Variants in TRPM3 observed in about 807,000 individuals in gnomAD.
TRPM3 encodes the protein long transient receptor potential channel 3.
TRPM3 carries 77 observed loss-of-function variants against 181.2 expected under a neutral mutation model. That is an observed-to-expected ratio of 0.42 (90% CI 0.35 to 0.51). TRPM3 has a LOEUF of 0.51. TRPM3 is among the 20% of genes least tolerant of loss of function. The probability of loss-of-function intolerance (pLI) is 0.01; values close to 1 mark genes in which losing one functional copy is unlikely to be tolerated. For missense variants in TRPM3, 1,759 were observed against 2,196.7 expected (o/e 0.80, Z 3.98); for synonymous variants, 745 against 796.4 (o/e 0.94, Z 1.09).
chr9:71,286,968 TA>T (rs1254028469), intron 1 of TRPM3, among the ~76,000 whole-genome samples: 6 of 124,818 alleles, frequency 4.8e-5, no homozygotes, highest in Non-Finnish European at 1.0e-4. Context: ...AAATTATATA[TA>T]ATATAATTAT....
At chr9:71,425,240 A>T (rs2093843375) in intron 1 of TRPM3, among the ~76,000 whole-genome samples, 1 of 152,132 alleles carries the variant, frequency 6.6e-6, no homozygotes, top group South Asian at 2.1e-4. Flanking sequence ...ATCACCCATA[A>T]ACTGATAATA....
intron 8 of TRPM3, among the ~76,000 whole-genome samples, chr9:70,759,394 A>G (rs548031225): frequency 9.8e-5 from 15 of 152,356 alleles, no homozygotes; most frequent in Admixed American, 2.0e-4. Context: ...GGGAGTGTAT[A>G]TTAGTTCAAT....
intron 1 of TRPM3, among the ~76,000 whole-genome samples, chr9:71,386,192 T>C (rs976854624): frequency 3.3e-5 from 5 of 151,934 alleles, no homozygotes; most frequent in African/African-American, 1.2e-4. Context: ...GGCTCCTGCC[T>C]GTAATCCCAG....
rs140800176 is a variant in TRPM3 at position 71,208,211 on chromosome 9, C to T, written c.183+238442G>A. On this transcript the variant is annotated intron_variant, in intron 1 of 24. Coordinates refer to the TRPM3 transcript ENST00000357533. ...CTGTATTTTTATCTAGCATACCTGC[C>T]TGATAACAATTGACACTCACCTTAG... is the stretch of plus-strand genomic sequence containing the variant. 7.1e-4 allele frequency among the ~76,000 whole-genome samples: 108 copies of T among 152,188 alleles called. 1 individual carries two copies. Among genetic ancestry groups the T allele is most frequent in the African/African-American group, 2.6e-3 (106 of 41,522 alleles).
chr9:71,357,323 T>G (rs1217531370), intron 1 of TRPM3, among the ~76,000 whole-genome samples: 1 of 152,164 alleles, frequency 6.6e-6, no homozygotes, highest in East Asian at 1.9e-4. Flanking sequence ...AAACCAAAGT[T>G]GTGATATTTC....
chr9:70,987,362 T>G (rs13297226), intron 1 of TRPM3, among the ~76,000 whole-genome samples: 1 of 152,180 alleles, frequency 6.6e-6, no homozygotes. Context: ...GTAATTTTTG[T>G]ATTTCCTGCT....
chr9:70,625,376 G>A lies in TRPM3; in HGVS notation c.1669-45C>T, dbSNP rs765469438. 4 of 1,612,018 alleles carry A rather than the reference G, an allele frequency of 2.5e-6. No homozygotes were observed. The highest frequency in any genetic ancestry group is 1.3e-5 in the African/African-American group (1 of 74,888). ...CAAACAGACAAATCCAAAAGACAAC[G>A]TGGTTTACTAGGGATTCTACTTCAC... On this transcript the variant is annotated intron_variant, in intron 13 of 25. Coordinates refer to ENST00000677713, the MANE Select transcript of TRPM3 (RefSeq NM_001366145.2). The surrounding 1 kb of genome is among the most constrained non-coding windows in gnomAD (Gnocchi z 4.8).
intron 1 of TRPM3, among the ~76,000 whole-genome samples, chr9:71,161,791 G>A (rs531192366): frequency 6.6e-6 from 1 of 152,094 alleles, no homozygotes; most frequent in Non-Finnish European, 1.5e-5. Flanking sequence ...ATGTCAAAAG[G>A]AGAGTCTTAA....
At chr9:71,082,843 A>G (rs982030424) in intron 1 of TRPM3, among the ~76,000 whole-genome samples, 4 of 152,138 alleles carry the variant, frequency 2.6e-5, no homozygotes, top group Non-Finnish European at 4.4e-5. Flanking sequence ...TCATGTAAAA[A>G]CACAATAGAT....
intron 1 of TRPM3, among the ~76,000 whole-genome samples, chr9:71,138,299 A>G (rs1005400574): frequency 6.6e-6 from 1 of 152,188 alleles, no homozygotes; most frequent in Non-Finnish European, 1.5e-5. Context: ...GCCTCTGTCT[A>G]TGCCTGAAAT....
chr9:71,393,386 A>G (rs2093110824), intron 1 of TRPM3, among the ~76,000 whole-genome samples: 1 of 152,170 alleles, frequency 6.6e-6, no homozygotes, highest in Non-Finnish European at 1.5e-5. Flanking sequence ...TAGGTTGAAA[A>G]GAATAAAATA....
At chr9:70,651,652 A>G (rs974670256) in intron 9 of TRPM3, among the ~76,000 whole-genome samples, 2 of 152,128 alleles carry the variant, frequency 1.3e-5, no homozygotes, top group African/African-American at 2.4e-5. Flanking sequence ...GTTAATTTCT[A>G]TCTCCCCTGC....
chr9:70,781,265 C>T (rs2082372189), intron 7 of TRPM3, among the ~76,000 whole-genome samples: 1 of 140,600 alleles, frequency 7.1e-6, no homozygotes, highest in Admixed American at 7.5e-5. Context: ...GTGGAGCTTA[C>T]AGTGAGCTGA....
At chr9:70,635,391 G>A in intron 11 of TRPM3, 130 bp from the exon 12 acceptor site, 1 of 657,748 alleles carries the variant, frequency 1.5e-6, no homozygotes, top group Non-Finnish European at 2.7e-6. Context: ...TGTTCTAGTT[G>A]CTCAGTGTAT....
At chr9:70,781,121 C>G (rs566557385) in intron 7 of TRPM3, among the ~76,000 whole-genome samples, 11 of 151,816 alleles carry the variant, frequency 7.2e-5, no homozygotes, top group Middle Eastern at 3.2e-3. Context: ...GTTAGGAGAT[C>G]GAGACCATCC....
chr9:71,037,276 T>C (rs899628520), intron 1 of TRPM3, among the ~76,000 whole-genome samples: 5 of 152,296 alleles, frequency 3.3e-5, no homozygotes, highest in Admixed American at 3.3e-4. Context: ...CCAGTCTACT[T>C]TAACCAATTA....
rs962795935 is a variant in TRPM3 at position 70,795,159 on chromosome 9, T to C, written c.974-10880A>G. Among the ~76,000 whole-genome samples the C allele has an allele frequency of 2.0e-5, 3 of 152,208 alleles. No individual in the cohort carries two copies. The East Asian group carries it at 5.8e-4, about 29-fold the overall frequency. ...GGACTTGAGCATCCTCAGATTTTGG[T>C]ATCTGTGGGAGATTTTGGAACCAAT... On this transcript the variant is annotated intron_variant, in intron 6 of 25. Transcript: ENST00000677713.
intron 1 of TRPM3, among the ~76,000 whole-genome samples, chr9:71,061,858 T>C (rs2133359657): frequency 6.6e-6 from 1 of 152,140 alleles, no homozygotes; most frequent in Admixed American, 6.5e-5. Flanking sequence ...AATATGACTG[T>C]AGGAATCTTG....
intron 1 of TRPM3, among the ~76,000 whole-genome samples, chr9:71,193,536 A>T (rs1439829493): frequency 2.0e-5 from 3 of 151,856 alleles, no homozygotes; most frequent in South Asian, 4.2e-4. Flanking sequence ...AAATGACACT[A>T]TCATGCTGCT....
Sources: gnomAD v4.1 joint callset for allele counts (sites outside exome capture counted in the v4.1 genomes callset) on GRCh38, gnomAD v4.1.1 for gene constraint, Gnocchi (gnomAD v3.1) non-coding constraint, MANE v1.5 for transcripts, NCBI Gene and HGNC (gene_info 2026-07-23, HGNC 2026-07-21) for gene names.